The following SULF1 variants were observed in gnomAD, a reference collection of about 807,000 sequenced individuals.
SULF1 encodes extracellular sulfatase Sulf-1.
Under a neutral mutation model 110.5 loss-of-function variants are expected in SULF1, and 46 were observed. The observed-to-expected ratio is 0.42, with a 90% CI of 0.33 to 0.53. The LOEUF is 0.53. SULF1 is among the 20% of genes least tolerant of loss of function. The pLI is 0.12. For missense variants in SULF1, 941 were observed against 1,094.2 expected (o/e 0.86, Z 1.98); for synonymous variants, 371 against 387.1 (o/e 0.96, Z 0.49).
At chr8:69,611,692 T>C (rs1362740265) in intron 13 of SULF1, among the ~76,000 whole-genome samples, 8 of 152,216 alleles carry the variant, frequency 5.3e-5, no homozygotes, top group Admixed American at 5.2e-4. Flanking sequence ...ACAAAATTAC[T>C]ATACAGTTGT....
chr8:69,604,135 G>A lies in SULF1; in HGVS notation c.1247+479G>A, dbSNP rs573248981. Among the ~76,000 whole-genome samples, 11 of 152,230 alleles carry A rather than the reference G, an allele frequency of 7.2e-5. No homozygotes were observed. In the South Asian group the frequency reaches 2.3e-3, roughly 32 times the overall value. Reference sequence around the variant, plus strand: ...TATCAATTTTTAAAATACCAAAAAAGCAAGAGAATGACGACTCCACATCCC... The same window carrying A: ...TATCAATTTTTAAAATACCAAAAAAACAAGAGAATGACGACTCCACATCCC... On this transcript the variant is annotated intron_variant, in intron 12 of 22. Transcript: ENST00000402687.
intron 1 of SULF1, among the ~76,000 whole-genome samples, chr8:69,483,731 A>G (rs1173295090): frequency 6.6e-6 from 1 of 152,148 alleles, no homozygotes; most frequent in Non-Finnish European, 1.5e-5. Flanking sequence ...CCAGGCTGCA[A>G]TGAGCTATGA....
chr8:69,499,051 G>A (rs1810600133), intron 2 of SULF1, among the ~76,000 whole-genome samples: 2 of 152,032 alleles, frequency 1.3e-5, no homozygotes, highest in African/African-American at 4.8e-5. Context: ...TAGAGACAGG[G>A]TTTCACAATG....
rs759979573 is a variant in SULF1, at chr8:69,603,273, C to T, written c.1143C>T (p.Asp381=). The T allele has an allele frequency of 6.2e-6, 10 of 1,613,980 alleles. No homozygotes were observed. Among genetic ancestry groups the T allele is most frequent in the Admixed American group, 1.7e-5 (1 of 59,994 alleles). The change falls in exon 11 of 23, where the codon GAC becomes GAT. Residue 381 remains aspartate, a synonymous_variant. Coordinates refer to ENST00000402687, the MANE Select transcript of SULF1 (RefSeq NM_001128205.2). ...GGCTCGACACACCTCCTGATGTGGA[C>T]GGCAAGTCTGTCCTCAAACTTCTGG... ...IAGLDTPPDV[D]GKSVLKLLDP...
At chr8:69,505,032 C>T (rs1811083980) in intron 3 of SULF1, among the ~76,000 whole-genome samples, 1 of 152,148 alleles carries the variant, frequency 6.6e-6, no homozygotes, top group African/African-American at 2.4e-5. Flanking sequence ...ACCTGTAGCT[C>T]ATTGAACTTG....
chr8:69,601,596 T>C (rs1807810036), intron 9 of SULF1, 58 bp from the exon 10 acceptor site: 1 of 1,444,460 alleles, frequency 6.9e-7, no homozygotes, highest in East Asian at 2.4e-5. Flanking sequence ...GCAACACTAT[T>C]GAGCATCATC....
At chr8:69,485,995 T>A (rs1270619600) in intron 1 of SULF1, among the ~76,000 whole-genome samples, 1 of 152,218 alleles carries the variant, frequency 6.6e-6, no homozygotes, top group Non-Finnish European at 1.5e-5. Flanking sequence ...TTATTATTAA[T>A]GATTGTCAAT....
intron 14 of SULF1, 101 bp downstream of exon 14, chr8:69,621,352 C>G: frequency 1.3e-6 from 1 of 744,782 alleles, no homozygotes; most frequent in Non-Finnish European, 2.1e-6. Flanking sequence ...TAGATATTAT[C>G]AATGCATCAT....
At chr8:69,648,127 C>T (rs1264439061) in intron 22 of SULF1, among the ~76,000 whole-genome samples, 2 of 147,046 alleles carry the variant, frequency 1.4e-5, no homozygotes, top group Non-Finnish European at 3.0e-5. Flanking sequence ...TATTGGAAAC[C>T]CTGTGCCTTC....
At chr8:69,569,057 A>G (rs1231493247) in intron 5 of SULF1, among the ~76,000 whole-genome samples, 1 of 152,170 alleles carries the variant, frequency 6.6e-6, no homozygotes, top group Non-Finnish European at 1.5e-5. Flanking sequence ...TCTTTCCCAA[A>G]TGGCCTTTGG....
chr8:69,557,670 A>G lies in SULF1; in HGVS notation c.-133-5869A>G, dbSNP rs561411819. On this transcript the variant is annotated intron_variant, in intron 3 of 22. Transcript: ENST00000402687. ...ATTATTGAAAAAATTCAATATATAT[A>G]TGAATTAAGCCAAAAAATAAAATCT... Among the ~76,000 whole-genome samples, 50 of 152,334 alleles carry G rather than the reference A, an allele frequency of 3.3e-4. 1 individual carries two copies. In the South Asian group the frequency reaches 0.01, roughly 32 times the overall value.
At chr8:69,552,462 TTAAC>T (rs1232961968) in intron 3 of SULF1, among the ~76,000 whole-genome samples, 4 of 152,230 alleles carry the variant, frequency 2.6e-5, no homozygotes, top group Non-Finnish European at 5.9e-5. Flanking sequence ...AATTAGCAAT[TTAAC>T]TATGCAAATT....
At chr8:69,620,947 A>AG in intron 13 of SULF1, 88 bp from the exon 14 acceptor site, 1 of 1,174,154 alleles carries the variant, frequency 8.5e-7, no homozygotes, top group Non-Finnish European at 1.2e-6. Context: ...TCTAAAAAAA[A>AG]GAAAAAAGAA....
intron 22 of SULF1, among the ~76,000 whole-genome samples, chr8:69,657,453 T>A (rs1812810786): frequency 6.6e-6 from 1 of 152,220 alleles, no homozygotes; most frequent in South Asian, 2.1e-4. Flanking sequence ...TCACCAGGAA[T>A]CTTTACAGTA....
intron 1 of SULF1, among the ~76,000 whole-genome samples, chr8:69,479,804 T>G (rs1809441015): frequency 6.6e-6 from 1 of 152,150 alleles, no homozygotes; most frequent in South Asian, 2.1e-4. Context: ...GAGTTCTAAA[T>G]CCAGGCTTTA....
chr8:69,585,105 A>G (rs968745802), intron 6 of SULF1, among the ~76,000 whole-genome samples: 1 of 152,206 alleles, frequency 6.6e-6, no homozygotes, highest in African/African-American at 2.4e-5. Flanking sequence ...ATAACATCAG[A>G]AAAACTAAAA....
chr8:69,489,748 T>C (rs1809848983), upstream of SULF1, among the ~76,000 whole-genome samples: 1 of 151,724 alleles, frequency 6.6e-6, no homozygotes, highest in African/African-American at 2.4e-5. Context: ...AGCTAATTTC[T>C]TGTATTTTCA....
intron 3 of SULF1, among the ~76,000 whole-genome samples, chr8:69,558,126 CTAAAG>C (rs1237151416): frequency 2.6e-5 from 4 of 152,054 alleles, no homozygotes; most frequent in African/African-American, 9.7e-5. Flanking sequence ...AAGCCTTACT[CTAAAG>C]AAAAGAAGTA....
At chr8:69,517,496 A>G (rs1443389050) in intron 3 of SULF1, among the ~76,000 whole-genome samples, 1 of 152,282 alleles carries the variant, frequency 6.6e-6, no homozygotes, top group Non-Finnish European at 1.5e-5. Flanking sequence ...GGAACCAGGA[A>G]GTAAGGGTTT....
Sources: gnomAD v4.1 joint callset for allele counts (sites outside exome capture counted in the v4.1 genomes callset) on GRCh38, gnomAD v4.1.1 for gene constraint, MANE v1.5 for transcripts, NCBI Gene and HGNC (gene_info 2026-07-23, HGNC 2026-07-21) for gene names.